ELMOD1: variants seen among roughly 807,000 people sequenced by gnomAD.
ELMOD1 encodes the protein ELMO domain-containing protein 1.
Under a neutral mutation model 46.7 loss-of-function variants are expected in ELMOD1, and 21 were observed. The observed-to-expected ratio is 0.45, with a 90% CI of 0.32 to 0.65. The LOEUF is 0.65. ELMOD1 is among the 30% of genes least tolerant of loss of function. The pLI is 0.04. For missense variants in ELMOD1, 348 were observed against 407.8 expected (o/e 0.85, Z 1.26); for synonymous variants, 122 against 138.2 (o/e 0.88, Z 0.82).
At chr11:107,611,736 A>G (rs989132220) in intron 1 of ELMOD1, among the ~76,000 whole-genome samples, 2 of 151,692 alleles carry the variant, frequency 1.3e-5, no homozygotes, top group Non-Finnish European at 2.9e-5. Context: ...AAAGTGGGCA[A>G]AAGACACGAA....
chr11:107,632,747 A>G (rs1373482618), intron 5 of ELMOD1, among the ~76,000 whole-genome samples: 3 of 152,226 alleles, frequency 2.0e-5, no homozygotes, highest in Non-Finnish European at 4.4e-5. Context: ...ACAACTGGCA[A>G]GAGGGATATA....
At chr11:107,655,008 T>C (rs1866601305) in intron 10 of ELMOD1, among the ~76,000 whole-genome samples, 1 of 152,180 alleles carries the variant, frequency 6.6e-6, no homozygotes, top group Non-Finnish European at 1.5e-5. Flanking sequence ...AAATATACAC[T>C]GTGTTAAGAT....
intron 1 of ELMOD1, among the ~76,000 whole-genome samples, chr11:107,597,954 GACA>G (rs1865521493): frequency 6.6e-6 from 1 of 152,184 alleles, no homozygotes. Context: ...AATCAAATTA[GACA>G]ACGATGGAAG....
intron 6 of ELMOD1, among the ~76,000 whole-genome samples, chr11:107,637,059 G>T (rs1328912270): frequency 6.6e-6 from 1 of 152,174 alleles, no homozygotes; most frequent in East Asian, 1.9e-4. Flanking sequence ...ATATGTGCTG[G>T]CACATAATGG....
chr11:107,650,806 T>C, intron 8 of ELMOD1, 79 bp from the exon 9 acceptor site: 1 of 950,990 alleles, frequency 1.1e-6, no homozygotes, highest in East Asian at 3.4e-5. Flanking sequence ...TTTTTTTCTT[T>C]CTTTCTTGTA....
chr11:107,626,172 T>C (rs1866036930), intron 2 of ELMOD1, among the ~76,000 whole-genome samples: 1 of 152,072 alleles, frequency 6.6e-6, no homozygotes, highest in African/African-American at 2.4e-5. Flanking sequence ...AAAGCGAATA[T>C]TGCCCAATTA....
intron 1 of ELMOD1, among the ~76,000 whole-genome samples, chr11:107,601,400 T>C (rs1196234538): frequency 6.7e-6 from 1 of 150,022 alleles, no homozygotes; most frequent in Non-Finnish European, 1.5e-5. Context: ...TTTCTATTAA[T>C]GTCTATTAAT....
intron 6 of ELMOD1, among the ~76,000 whole-genome samples, chr11:107,644,907 G>GGTTTTTTTTTTTT (rs1866394847): frequency 8.4e-6 from 1 of 119,202 alleles, no homozygotes; most frequent in Non-Finnish European, 1.8e-5. Flanking sequence ...GTTCCTAAAG[G>GGTTTTTTTTTTTT]GTTTTTGTTT....
At chr11:107,623,710 C>T (rs765663609) in intron 2 of ELMOD1, 1 of 152,098 alleles carries the variant, frequency 6.6e-6, no homozygotes. Context: ...TGTTTTTCAA[C>T]TTTCTGTTTT....
In ELMOD1 at chr11:107,603,869, C is replaced by G. The variant is rs576046869; in HGVS notation, c.-86+12460C>G. ...CTCCAGCCTGGGTGACAAAGCTAGACCTTGTCTAAAAAAAAAAAAAGGAAT... is the reference window on the plus strand; with the variant it reads ...CTCCAGCCTGGGTGACAAAGCTAGAGCTTGTCTAAAAAAAAAAAAAGGAAT... On this transcript the variant is annotated intron_variant, in intron 1 of 11. Transcript: ENST00000265840. Among the ~76,000 whole-genome samples, 44 of 146,992 alleles carry G rather than the reference C, an allele frequency of 3.0e-4. 1 individual carries two copies. In the South Asian group the frequency reaches 9.5e-3, roughly 32 times the overall value.
intron 1 of ELMOD1, among the ~76,000 whole-genome samples, chr11:107,597,204 G>C (rs1375506359): frequency 6.6e-6 from 1 of 152,106 alleles, no homozygotes; most frequent in Non-Finnish European, 1.5e-5. Flanking sequence ...ATGACAATCA[G>C]GATTAAATTT....
At chr11:107,625,588 C>G in intron 2 of ELMOD1, 2 of 984,758 alleles carry the variant, frequency 2.0e-6, no homozygotes, top group Non-Finnish European at 2.4e-6. Flanking sequence ...AGGCGCATTT[C>G]CTGTTTTGAA....
chr11:107,665,382 T>A lies in ELMOD1; in HGVS notation c.*185T>A. The stretch of plus-strand genomic sequence containing the variant: ...GAGACCACTGTTTCTGGAGTATCTG[T>A]CATCCAGTGACTGCTCATATTGTGG... On this transcript the variant is annotated 3_prime_UTR_variant, in exon 12 of 12. Coordinates refer to ENST00000265840, the MANE Select transcript of ELMOD1 (RefSeq NM_018712.4). 1 of 609,834 alleles carries A rather than the reference T, an allele frequency of 1.6e-6. No homozygotes were observed. 37.8% of individuals were successfully genotyped at this position (609,834 alleles called of 1,614,324 possible). A position where few individuals can be genotyped will look rare whatever the true frequency, so the allele number is the denominator to read the frequency against.
intron 11 of ELMOD1, among the ~76,000 whole-genome samples, chr11:107,656,657 A>C (rs906878982): frequency 3.3e-5 from 5 of 151,932 alleles, no homozygotes; most frequent in Non-Finnish European, 5.9e-5. Flanking sequence ...CAGGCATGGT[A>C]AATTCTTCTC....
At chr11:107,599,740 C>CAAAAAAAAAAAAAAAAAAA (rs56992146) in intron 1 of ELMOD1, among the ~76,000 whole-genome samples, 1 of 91,198 alleles carries the variant, frequency 1.1e-5, no homozygotes. Context: ...AGACCTGTCT[C>CAAAAAAAAAAAAAAAAAAA]AAAAAAAAAA....
At chr11:107,631,045 T>C (rs1052242829) in intron 4 of ELMOD1, among the ~76,000 whole-genome samples, 4 of 152,292 alleles carry the variant, frequency 2.6e-5, no homozygotes, top group East Asian at 1.9e-4. Flanking sequence ...ATTTCCTCAA[T>C]ATCCAAATCA....
chr11:107,612,735 A>G (rs774407307), intron 1 of ELMOD1, among the ~76,000 whole-genome samples: 12 of 152,236 alleles, frequency 7.9e-5, no homozygotes, highest in Non-Finnish European at 1.3e-4. Context: ...CAGCAAATAG[A>G]ACATTAACAA....
chr11:107,592,529 C>G (rs1865421151), intron 1 of ELMOD1: 1 of 471,946 alleles, frequency 2.1e-6, no homozygotes. Context: ...GGATAAATGT[C>G]TTAATTCATT....
At chr11:107,654,391 G>A (rs1056150207) in intron 10 of ELMOD1, among the ~76,000 whole-genome samples, 169 bp downstream of exon 10, 7 of 152,186 alleles carry the variant, frequency 4.6e-5, no homozygotes, top group African/African-American at 1.7e-4. Context: ...TTATCTGTAT[G>A]GTTATATGAT....
Sources: allele counts gnomAD v4.1 joint callset (sites outside exome capture counted in the v4.1 genomes callset), GRCh38; gene constraint gnomAD v4.1.1; transcripts MANE v1.5; gene names NCBI Gene and HGNC (gene_info 2026-07-23, HGNC 2026-07-21).